IFNLR1: variants seen among roughly 807,000 people sequenced by gnomAD.
IFNLR1 encodes the protein interferon lambda receptor 1.
In IFNLR1, 28 loss-of-function variants were observed where a neutral mutation model predicts 52.5. That is an observed-to-expected ratio of 0.53 (90% CI 0.40 to 0.73). The LOEUF (loss-of-function observed/expected upper bound fraction) is 0.73. IFNLR1 is among the 30% of genes least tolerant of loss of function. IFNLR1 has a pLI of 0.00. For synonymous variants in IFNLR1, 276 were observed against 274.9 expected, an observed-to-expected ratio of 1.00 and a Z score of -0.04; for missense variants, 623 against 659.1, an observed-to-expected ratio of 0.95 and a Z score of 0.60.
rs375562540 is a variant in IFNLR1, at chr1:24,159,175, G to C, written c.678C>G (p.Asn226Lys). The C allele has an allele frequency of 1.4e-5, 23 of 1,613,962 alleles. No homozygotes were observed. The highest frequency in any genetic ancestry group is 1.9e-5 in the Non-Finnish European group (22 of 1,180,018). The stretch of plus-strand genomic sequence containing the variant: ...GCGATGGCAGCACCAGGAAAGCCCA[G>C]TTGGCTTCTAAGGAAGGAAAAATAA... ...TCFLLEVPEA[N>K]WAFLVLPSLL... The change falls in exon 6 of 7, where the codon AAC becomes AAG. Residue 226 changes from asparagine (N) to lysine (K), a missense_variant. By Grantham distance (94) the Asn-to-Lys change is moderately conservative (BLOSUM62 0). Transcript: ENST00000327535.
intron 2 of IFNLR1, among the ~76,000 whole-genome samples, chr1:24,174,888 C>A (rs1375452605): frequency 2.0e-5 from 3 of 151,882 alleles, no homozygotes; most frequent in Non-Finnish European, 4.4e-5. Flanking sequence ...AATGAGAAAG[C>A]ATGTTCTGGG....
In IFNLR1 at chr1:24,187,218, GC is replaced by G; in HGVS notation, c.30del (p.Leu11SerfsTer20). ...GGAGCGGCCTGCAGCAGGCACAGGA[GC>G]AGGGGGCCCCAGCGCTCGGGCCCCG... is the stretch of plus-strand genomic sequence containing the variant. MAGPERWGP[L>X]LLCLLQAAPG... On this transcript the variant is annotated frameshift_variant, in exon 1 of 7. Coordinates refer to ENST00000327535, the MANE Select transcript of IFNLR1 (RefSeq NM_170743.4). LOFTEE classifies it high-confidence loss of function. The G allele has an allele frequency of 7.7e-7, 1 of 1,300,416 alleles. No homozygotes were observed. Among genetic ancestry groups the G allele is most frequent in the Non-Finnish European group, 9.8e-7 (1 of 1,024,014 alleles). 80.6% of individuals were successfully genotyped at this position (1,300,416 alleles called of 1,614,324 possible).
chr1:24,173,127 C>CAAA (rs60148493), intron 2 of IFNLR1, among the ~76,000 whole-genome samples: 14 of 106,902 alleles, frequency 1.3e-4, no homozygotes, highest in African/African-American at 3.6e-4. Context: ...TTTTCTCTTC[C>CAAA]AAAAAAAAAA....
chr1:24,186,465 T>C (rs1644740038), intron 1 of IFNLR1, among the ~76,000 whole-genome samples: 1 of 152,156 alleles, frequency 6.6e-6, no homozygotes, highest in Admixed American at 6.6e-5. Flanking sequence ...AAATATAGGC[T>C]TTTATGATGA....
In IFNLR1 at chr1:24,157,061, C is replaced by G; in HGVS notation, c.*69G>C. The G allele has an allele frequency of 6.6e-7, 1 of 1,518,126 alleles. No homozygotes were observed. Among genetic ancestry groups the G allele is most frequent in the South Asian group, 1.3e-5 (1 of 75,912 alleles). 94.0% of individuals were successfully genotyped at this position (1,518,126 alleles called of 1,614,324 possible). A position where few individuals can be genotyped will look rare whatever the true frequency, so the allele number is the denominator to read the frequency against. On this transcript the variant is annotated 3_prime_UTR_variant, in exon 7 of 7. Coordinates refer to ENST00000327535, the MANE Select transcript of IFNLR1 (RefSeq NM_170743.4). This position sits in a 1 kb window ranked among gnomAD's most constrained non-coding sequence, Gnocchi z 5.1. ...GGGAGGTACGGAGGCTCTTGAGTTT[C>G]TTGGGAAGCCCAGTAGTCCTTGCAA...
At chr1:24,158,467 T>C (rs1208584276) in intron 6 of IFNLR1, among the ~76,000 whole-genome samples, 1 of 152,188 alleles carries the variant, frequency 6.6e-6, no homozygotes, top group Non-Finnish European at 1.5e-5. Flanking sequence ...CCTGCCACGA[T>C]GCAGGGACAC....
At chr1:24,162,780 TTC>T (rs1274042373) in intron 3 of IFNLR1, among the ~76,000 whole-genome samples, 3,174 of 72,490 alleles carry the variant, frequency 0.044, 273 homozygotes, top group Middle Eastern at 0.068. Context: ...TTCTTTCTTT[TTC>T]TTTCTTTTTC....
At chr1:24,175,563 A>G (rs902083844) in intron 2 of IFNLR1, among the ~76,000 whole-genome samples, 1 of 152,236 alleles carries the variant, frequency 6.6e-6, no homozygotes, top group East Asian at 1.9e-4. Context: ...CCTCAGGATG[A>G]GTAACACCTC....
At chr1:24,182,365 A>G (rs1366381140) in intron 1 of IFNLR1, among the ~76,000 whole-genome samples, 1 of 152,182 alleles carries the variant, frequency 6.6e-6, no homozygotes, top group Non-Finnish European at 1.5e-5. Context: ...TGATCACTAA[A>G]TCCACATTTG....
intron 5 of IFNLR1, 65 bp from the exon 6 acceptor site, chr1:24,159,247 C>G (rs1483495290): frequency 1.2e-5 from 19 of 1,575,328 alleles, no homozygotes; most frequent in Non-Finnish European, 1.6e-5. Flanking sequence ...GCACCTGTGC[C>G]GAGTGCTTCA....
At chr1:24,182,238 T>C (rs2148603919) in intron 1 of IFNLR1, among the ~76,000 whole-genome samples, 1 of 150,506 alleles carries the variant, frequency 6.6e-6, no homozygotes, top group Non-Finnish European at 1.5e-5. Flanking sequence ...AAGGGCACAC[T>C]GTAAGTACCC....
intron 1 of IFNLR1, among the ~76,000 whole-genome samples, chr1:24,186,975 A>G (rs1644745287): frequency 6.6e-6 from 1 of 152,200 alleles, no homozygotes; most frequent in Non-Finnish European, 1.5e-5. Context: ...GCATTAGGAA[A>G]CTGGATTCGT....
At chr1:24,166,206 C>CA (rs1318252476) in intron 3 of IFNLR1, among the ~76,000 whole-genome samples, 8 of 151,220 alleles carry the variant, frequency 5.3e-5, no homozygotes, top group African/African-American at 1.9e-4. Flanking sequence ...TCCATCCATC[C>CA]TTCCTTCCTT....
Position 24,154,936 on chromosome 1 carries a change from G to A in IFNLR1, c.*2194C>T, listed in dbSNP as rs1395508012. 1 of 152,204 alleles carries A rather than the reference G, an allele frequency of 6.6e-6. No homozygotes were observed. The highest frequency in any genetic ancestry group is 2.4e-5 in the African/African-American group (1 of 41,448). 9.4% of individuals were successfully genotyped at this position (152,204 alleles called of 1,614,324 possible). A position where few individuals can be genotyped will look rare whatever the true frequency, so the allele number is the denominator to read the frequency against. ...AACAAAACAAAACAAAAATGGTAAGGTTTAAGAATAGAAACGGAGTGGTTA... is the reference window on the plus strand; with the variant it reads ...AACAAAACAAAACAAAAATGGTAAGATTTAAGAATAGAAACGGAGTGGTTA... On this transcript the variant is annotated 3_prime_UTR_variant, in exon 7 of 7. Coordinates refer to ENST00000327535, the MANE Select transcript of IFNLR1 (RefSeq NM_170743.4).
At chr1:24,162,860 TTTCTTTCTTTCTTTCTTTCCTTCCTTCC>T (rs1644472312) in intron 3 of IFNLR1, among the ~76,000 whole-genome samples, 2 of 80,692 alleles carry the variant, frequency 2.5e-5, no homozygotes, top group South Asian at 5.4e-4. Context: ...TCTTTCTTTC[TTTCTTTCTTTCTTTCTTTCCTTCCTTCC>T]TTCCTTCCTT....
chr1:24,180,981 G>A, intron 1 of IFNLR1, 127 bp from the exon 2 acceptor site: 1 of 959,842 alleles, frequency 1.0e-6, no homozygotes, highest in East Asian at 2.7e-5. Flanking sequence ...AGGAGCCACT[G>A]ACTGGCTGTA....
chr1:24,172,946 C>T (rs924131687), intron 2 of IFNLR1, among the ~76,000 whole-genome samples: 17 of 152,072 alleles, frequency 1.1e-4, no homozygotes, highest in Non-Finnish European at 2.4e-4. Flanking sequence ...AGACACCAGT[C>T]CTATTAGATT....
chr1:24,175,672 C>T (rs968319482), intron 2 of IFNLR1, among the ~76,000 whole-genome samples: 2 of 152,144 alleles, frequency 1.3e-5, no homozygotes, highest in African/African-American at 2.4e-5. Context: ...GTAGCTCATG[C>T]CTGTAATCCC....
intron 1 of IFNLR1, among the ~76,000 whole-genome samples, chr1:24,186,879 T>A (rs989111186): frequency 6.6e-6 from 1 of 152,232 alleles, no homozygotes; most frequent in Non-Finnish European, 1.5e-5. Context: ...GTGCTTTCTT[T>A]AGGAAACATT....
Sources: allele counts gnomAD v4.1 joint callset (sites outside exome capture counted in the v4.1 genomes callset), GRCh38; gene constraint gnomAD v4.1.1; non-coding constraint Gnocchi (gnomAD v3.1); transcripts MANE v1.5; gene names NCBI Gene and HGNC (gene_info 2026-07-23, HGNC 2026-07-21).